CDK12: variants seen among roughly 807,000 people sequenced by gnomAD.
The protein encoded by CDK12 is cyclin dependent kinase 12.
In CDK12, 17 loss-of-function variants were observed where a neutral mutation model predicts 133.8. That is an observed-to-expected ratio of 0.13 (90% CI 0.09 to 0.19). The LOEUF (loss-of-function observed/expected upper bound fraction) is 0.19, where lower values mean the gene tolerates loss of function less well. Ranked by LOEUF, CDK12 falls within the 10% of genes least tolerant of loss-of-function variation. CDK12 has a pLI of 1.00. For synonymous variants in CDK12, 694 were observed against 683.6 expected, an observed-to-expected ratio of 1.02 and a Z score of -0.24; for missense variants, 1,508 against 1,818.7, an observed-to-expected ratio of 0.83 and a Z score of 3.11.
At chr17:39,479,605 G>GT (rs892240863) in intron 2 of CDK12, among the ~76,000 whole-genome samples, 17 of 150,860 alleles carry the variant, frequency 1.1e-4, no homozygotes, top group South Asian at 2.1e-4. Context: ...GGATTTGTCT[G>GT]TTTTTTTTTG....
chr17:39,527,200 C>T (rs1018139416), intron 13 of CDK12, among the ~76,000 whole-genome samples: 1 of 152,232 alleles, frequency 6.6e-6, no homozygotes, highest in Non-Finnish European at 1.5e-5. Flanking sequence ...GTCCTACATT[C>T]ACATTTCATA....
rs1326302398 is a variant in CDK12 at position 39,530,670 on chromosome 17, C to A, written c.3827C>A (p.Pro1276Gln). The change falls in exon 14 of 14, where the codon CCA becomes CAA. Residue 1276 changes from proline to glutamine, a missense_variant. By Grantham distance (76) the Pro-to-Gln change is moderately conservative (BLOSUM62 -1). Coordinates refer to ENST00000447079, the MANE Select transcript of CDK12 (RefSeq NM_016507.4). ...PPEPPGPPPPPPPPPLVEGDL... is the reference protein window; with the variant it reads ...PPEPPGPPPPQPPPPLVEGDL... Reference sequence around the variant, plus strand: ...GAGCCCCCCGGACCTCCACCGCCGCCACCTCCACCCCCTCTGGTTGAAGGC... The same window carrying A: ...GAGCCCCCCGGACCTCCACCGCCGCAACCTCCACCCCCTCTGGTTGAAGGC... 1 of 1,612,326 alleles carries A rather than the reference C, an allele frequency of 6.2e-7. No individual in the cohort carries two copies. The highest frequency in any genetic ancestry group is 1.7e-5 in the Admixed American group (1 of 59,910).
Position 39,493,380 on chromosome 17 carries a change from C to T in CDK12, c.2248+490C>T, listed in dbSNP as rs551138415. Among the ~76,000 whole-genome samples, 25 of 152,068 alleles carry T rather than the reference C, an allele frequency of 1.6e-4. No individual in the cohort carries two copies. The East Asian group carries it at 4.9e-3, about 30-fold the overall frequency. ...AGTGCAGTGAGTGGATCAATCTCTGCTCACTGCAGGCTCTGCCTCCTGGGT... is the reference window on the plus strand; with the variant it reads ...AGTGCAGTGAGTGGATCAATCTCTGTTCACTGCAGGCTCTGCCTCCTGGGT... On this transcript the variant is annotated intron_variant, in intron 4 of 13. Coordinates refer to ENST00000447079, the MANE Select transcript of CDK12 (RefSeq NM_016507.4).
upstream of CDK12, among the ~76,000 whole-genome samples, chr17:39,543,084 C>T (rs577432552): frequency 3.9e-5 from 6 of 152,284 alleles, no homozygotes; most frequent in South Asian, 6.2e-4. Flanking sequence ...GAAAACACAT[C>T]GGCTAGAAAA....
Position 39,526,033 on chromosome 17 carries a change from C to T in CDK12, c.3477C>T (p.Ala1159=), listed in dbSNP as rs2054475646. Residue 1159 remains alanine, a synonymous_variant, in exon 13 of 14, where the codon GCC becomes GCT. Coordinates refer to ENST00000447079, the MANE Select transcript of CDK12 (RefSeq NM_016507.4). ...AAGCCCTGAACCAATCCATCAGTGC[C>T]CTGACGGAAGCTACTTCCCAGCAGC... The part of the protein sequence containing the change: ...QLEALNQSIS[A]LTEATSQQQD... The T allele has an allele frequency of 1.2e-6, 2 of 1,614,046 alleles. No homozygotes were observed. The highest frequency in any genetic ancestry group is 2.7e-5 in the African/African-American group (2 of 74,912).
chr17:39,468,573 T>A (rs1201247136), intron 1 of CDK12, among the ~76,000 whole-genome samples: 1 of 151,982 alleles, frequency 6.6e-6, no homozygotes, highest in Non-Finnish European at 1.5e-5. Context: ...CCTCCCAGGT[T>A]CAAGCGGTTC....
At chr17:39,559,756 T>C (rs2056300175) in intron 3 of CDK12, among the ~76,000 whole-genome samples, 2 of 151,618 alleles carry the variant, frequency 1.3e-5, no homozygotes, top group South Asian at 4.2e-4. Context: ...GGAGGATCTC[T>C]TGAGCCTGAG....
intron 8 of CDK12, among the ~76,000 whole-genome samples, chr17:39,514,488 G>T (rs59329213): frequency 0.033 from 4,970 of 151,684 alleles, 133 homozygotes; most frequent in African/African-American, 0.072. Context: ...AAAATTTCAG[G>T]CACGTAACAA....
In CDK12 at chr17:39,558,603, C is replaced by T. The variant is rs554513279; in HGVS notation, n.484+2190C>T. 4.3e-4 allele frequency among the ~76,000 whole-genome samples: 66 copies of T among 152,320 alleles called. 1 individual carries two copies. Among genetic ancestry groups the T allele is most frequent in the Middle Eastern group, 6.8e-3 (2 of 294 alleles). On this transcript the variant is annotated intron_variant and non_coding_transcript_variant, in intron 3 of 3. Transcript: ENST00000558240. ...ATTTTTTCTGTTATAAAAAATACCA[C>T]AGTGAATATCCAAACAAATAAAACT...
chr17:39,563,675 G>A (rs546454449), intron 3 of CDK12, among the ~76,000 whole-genome samples: 5 of 152,200 alleles, frequency 3.3e-5, no homozygotes, highest in East Asian at 3.9e-4. Context: ...TCGCAGCACC[G>A]CCTGCGGAAA....
chr17:39,461,508 A>G lies in CDK12; in HGVS notation c.-564A>G, dbSNP rs2048959357. On this transcript the variant is annotated 5_prime_UTR_variant, in exon 1 of 14. Coordinates refer to ENST00000447079, the MANE Select transcript of CDK12 (RefSeq NM_016507.4). ...CCCAAGTGCCGTTTCGGTTTAATCT[A>G]GTGTGTGACTGGGTCTGTGTGAGGG... 1 of 234,994 alleles carries G rather than the reference A, an allele frequency of 4.3e-6. No homozygotes were observed. The highest frequency in any genetic ancestry group is 6.0e-5 in the East Asian group (1 of 16,690). 14.6% of individuals were successfully genotyped at this position (234,994 alleles called of 1,614,324 possible).
Position 39,517,449 on chromosome 17 carries a change from T to C in CDK12, c.2856T>C (p.Cys952=), listed in dbSNP as rs1313206793. ...TTTGCTTTGTTTTCAGCCGACTTTG[T>C]GGTAGCCCTTGTCCAGCTGTGTGGC... ...LAQLELISRL[C]GSPCPAVWPD... is the part of the protein sequence containing the mutation. The change falls in exon 10 of 14, where the codon TGT becomes TGC. Residue 952 remains cysteine (C), a synonymous_variant. Coordinates refer to ENST00000447079, the MANE Select transcript of CDK12 (RefSeq NM_016507.4). 2 of 1,607,846 alleles carry C rather than the reference T, an allele frequency of 1.2e-6. No homozygotes were observed. Among genetic ancestry groups the C allele is most frequent in the South Asian group, 2.2e-5 (2 of 90,704 alleles).
intron 7 of CDK12, among the ~76,000 whole-genome samples, chr17:39,510,381 AGTGCTGGGATTACAGGC>A (rs1020938901): frequency 7.2e-5 from 11 of 151,982 alleles, no homozygotes; most frequent in Admixed American, 5.9e-4. Flanking sequence ...AGCTTCTCAG[AGTGCTGGGATTACAGGC>A]GTGAGCCACC....
intron 5 of CDK12, among the ~76,000 whole-genome samples, chr17:39,496,973 C>G (rs1354863624): frequency 7.1e-6 from 1 of 141,828 alleles, no homozygotes; most frequent in African/African-American, 2.7e-5. Context: ...CTCTGTCGCC[C>G]AGGCTCGAGT....
chr17:39,530,654 G>A lies in CDK12; in HGVS notation c.3811G>A (p.Gly1271Arg). The change falls in exon 14 of 14, where the codon GGA becomes AGA. Residue 1271 changes from glycine (G) to arginine (R), a missense_variant. This residue lies in a region of CDK12 where 399 missense variants were observed against 469.6 expected (regional missense o/e 0.85). Transcript: ENST00000447079. ...PPEKRPPEPP[G>R]PPPPPPPPPL... ...AGAGAAGAGGCCCCCTGAGCCCCCC[G>A]GACCTCCACCGCCGCCACCTCCACC... The A allele has an allele frequency of 6.3e-7, 1 of 1,591,412 alleles. No individual in the cohort carries two copies. The highest frequency in any genetic ancestry group is 8.6e-7 in the Non-Finnish European group (1 of 1,165,968).
At chr17:39,505,190 C>G (rs1223747985) in intron 6 of CDK12, among the ~76,000 whole-genome samples, 1 of 141,258 alleles carries the variant, frequency 7.1e-6, no homozygotes, top group African/African-American at 2.7e-5. Context: ...GATCGCGCCA[C>G]TGCACTCCAG....
chr17:39,493,857 G>A (rs1412548191), intron 4 of CDK12, among the ~76,000 whole-genome samples: 12 of 151,734 alleles, frequency 7.9e-5, no homozygotes, highest in Admixed American at 1.3e-4. Context: ...TTAGCCAGGC[G>A]TGGTGCCACA....
chr17:39,526,211 A>C lies in CDK12; in HGVS notation c.3655A>C (p.Lys1219Gln). ...ILAVLLSQLM[K>Q]TQEPAGSLEE... is the part of the protein sequence containing the mutation. ...GGCAGTTCTCTTGAGTCAGCTGATG[A>C]AAACCCAAGAGCCAGCAGGCAGTCT... The change falls in exon 13 of 14, where the codon AAA becomes CAA. Residue 1219 changes from lysine (K) to glutamine (Q), a missense_variant. Coordinates refer to ENST00000447079, the MANE Select transcript of CDK12 (RefSeq NM_016507.4). The C allele has an allele frequency of 6.2e-7, 1 of 1,613,968 alleles. No individual in the cohort carries two copies.
intron 3 of CDK12, among the ~76,000 whole-genome samples, chr17:39,560,175 A>G (rs916514308): frequency 1.3e-5 from 2 of 152,184 alleles, no homozygotes; most frequent in Non-Finnish European, 2.9e-5. Context: ...TATTTATTCC[A>G]TGGTATGAAT....
Sources: allele counts gnomAD v4.1 joint callset (sites outside exome capture counted in the v4.1 genomes callset), GRCh38; gene constraint gnomAD v4.1.1; regional missense constraint gnomAD v4.1.1; transcripts MANE v1.5; gene names NCBI Gene and HGNC (gene_info 2026-07-23, HGNC 2026-07-21).